The following PNPLA8 variants were observed in gnomAD, a reference collection of about 807,000 sequenced individuals.
PNPLA8 encodes calcium-independent phospholipase A2-gamma.
PNPLA8 carries 39 observed loss-of-function variants against 76.9 expected under a neutral mutation model. The ratio of observed to expected loss-of-function variants is 0.51; its 90% CI spans 0.39 to 0.66. The LOEUF (loss-of-function observed/expected upper bound fraction) is 0.66. Among genes scored for constraint, PNPLA8 ranks in the 30% least tolerant of loss-of-function variants. The probability of loss-of-function intolerance (pLI) is 0.00; values close to 1 mark genes in which losing one functional copy is unlikely to be tolerated. For synonymous variants in PNPLA8, 301 were observed against 307.9 expected (o/e 0.98, Z 0.24); for missense variants, 887 against 918.0 (o/e 0.97, Z 0.44).
rs139990982 is a variant in PNPLA8, at chr7:108,491,076, G to A, written c.1683+334C>T. 9.8e-4 allele frequency among the ~76,000 whole-genome samples: 149 copies of A among 152,134 alleles called. 1 individual carries two copies. The highest frequency in any genetic ancestry group is 3.3e-3 in the African/African-American group (138 of 41,526). ...TCCCAGCACTTTGGGAGGCCAAGGC[G>A]GGCAGATCACCTGAGTTTGGGAGTT... On this transcript the variant is annotated intron_variant, in intron 8 of 10. Transcript: ENST00000257694.
At chr7:108,496,411 T>C (rs758612557) in intron 7 of PNPLA8, 173 bp downstream of exon 7, 47 of 461,320 alleles carry the variant, frequency 1.0e-4, no homozygotes, top group Non-Finnish European at 1.6e-4. Flanking sequence ...TAAACTATGA[T>C]TCACCAAAAT....
chr7:108,484,564 C>T (rs564791627), intron 9 of PNPLA8, among the ~76,000 whole-genome samples: 122 of 152,146 alleles, frequency 8.0e-4, no homozygotes, highest in East Asian at 1.9e-3. Context: ...CACCCACACT[C>T]TGTAACCATT....
chr7:108,503,508 G>T (rs1862114802), intron 4 of PNPLA8, among the ~76,000 whole-genome samples: 1 of 152,088 alleles, frequency 6.6e-6, no homozygotes, highest in Non-Finnish European at 1.5e-5. Context: ...AGGAACTTGA[G>T]CAATGGTGGA....
chr7:108,475,737 T>C (rs1194656863), intron 10 of PNPLA8, among the ~76,000 whole-genome samples: 1 of 152,174 alleles, frequency 6.6e-6, no homozygotes, highest in Non-Finnish European at 1.5e-5. Context: ...GAATAGAAAC[T>C]ATGCTATAGT....
chr7:108,504,290 C>T (rs763134542), intron 4 of PNPLA8, among the ~76,000 whole-genome samples: 3 of 151,900 alleles, frequency 2.0e-5, no homozygotes, highest in South Asian at 2.1e-4. Context: ...AATCCAGTAC[C>T]GAATTACAAA....
chr7:108,523,004 A>C (rs957174575), intron 1 of PNPLA8, among the ~76,000 whole-genome samples: 13 of 152,230 alleles, frequency 8.5e-5, no homozygotes, highest in African/African-American at 3.1e-4. Context: ...TTGAGAGTAC[A>C]TTCAGCCAGA....
intron 10 of PNPLA8, 102 bp downstream of exon 10, chr7:108,479,082 C>G: frequency 2.8e-6 from 2 of 721,234 alleles, no homozygotes; most frequent in South Asian, 3.6e-5. Context: ...ATCCACAATA[C>G]AGACATATCA....
intron 1 of PNPLA8, among the ~76,000 whole-genome samples, chr7:108,524,740 A>C (rs1021639080): frequency 6.6e-6 from 1 of 152,174 alleles, no homozygotes; most frequent in Non-Finnish European, 1.5e-5. Context: ...GAATCGTTTG[A>C]ACCTTGCAGT....
In PNPLA8 at chr7:108,490,651, G is replaced by A. The variant is rs539499469; in HGVS notation, c.1683+759C>T. ...TACAAAAAATTAGCCGGGCGTGGTG[G>A]CGGCTGCCTATAGTCCCAGCTACTT... is the stretch of plus-strand genomic sequence containing the variant. On this transcript the variant is annotated intron_variant, in intron 8 of 10. Transcript: ENST00000257694. Among the ~76,000 whole-genome samples the A allele has an allele frequency of 2.0e-5, 3 of 152,198 alleles. No homozygotes were observed. In the South Asian group the frequency reaches 6.2e-4, roughly 32 times the overall value.
chr7:108,505,303 T>C (rs1185224212), intron 4 of PNPLA8, among the ~76,000 whole-genome samples: 1 of 3,042 alleles, frequency 3.3e-4, no homozygotes, highest in African/African-American at 1.4e-3. Flanking sequence ...AGAAAATTTA[T>C]ATATATATAT....
intron 8 of PNPLA8, among the ~76,000 whole-genome samples, chr7:108,489,759 T>C (rs1861006939): frequency 6.6e-6 from 1 of 152,210 alleles, no homozygotes; most frequent in Non-Finnish European, 1.5e-5. Flanking sequence ...TGATTTTTCA[T>C]GGTTACAGTT....
At chr7:108,515,643 G>C in intron 2 of PNPLA8, 69 bp from the exon 3 acceptor site, 1 of 828,364 alleles carries the variant, frequency 1.2e-6, no homozygotes, top group Non-Finnish European at 1.6e-6. Flanking sequence ...GAAAACACAA[G>C]ACTATTTGGA....
intron 1 of PNPLA8, among the ~76,000 whole-genome samples, chr7:108,525,798 C>G (rs1414797721): frequency 6.6e-6 from 1 of 152,182 alleles, no homozygotes; most frequent in Non-Finnish European, 1.5e-5. Context: ...ACGGTTTGCG[C>G]TTCTGGGGCA....
intron 4 of PNPLA8, among the ~76,000 whole-genome samples, chr7:108,503,973 C>G (rs1365659515): frequency 2.6e-5 from 4 of 152,132 alleles, no homozygotes; most frequent in Admixed American, 2.0e-4. Flanking sequence ...AGCCGAAGAC[C>G]TCTGAAAATC....
At chr7:108,527,634 G>T (rs1426679356), upstream of PNPLA8, 5 of 152,210 alleles carry the variant, frequency 3.3e-5, no homozygotes, top group Non-Finnish European at 7.3e-5. Context: ...TAACCAGCAA[G>T]CAGACTGAGG....
intron 4 of PNPLA8, among the ~76,000 whole-genome samples, chr7:108,513,479 T>C (rs571172278): frequency 5.1e-4 from 78 of 152,202 alleles, no homozygotes; most frequent in African/African-American, 1.6e-3. Context: ...TAAGCACTAA[T>C]AGATTTCTAA....
intron 9 of PNPLA8, among the ~76,000 whole-genome samples, chr7:108,485,729 T>G (rs914264986): frequency 6.6e-6 from 1 of 152,110 alleles, no homozygotes; most frequent in African/African-American, 2.4e-5. Flanking sequence ...GAGTTGTCAT[T>G]TGAAGTGAAA....
intron 1 of PNPLA8, among the ~76,000 whole-genome samples, chr7:108,524,933 A>G (rs1863979271): frequency 6.6e-6 from 1 of 152,214 alleles, no homozygotes; most frequent in African/African-American, 2.4e-5. Context: ...ACTGGGGTAA[A>G]AAAAAACAAC....
At chr7:108,507,363 A>C (rs957413769) in intron 4 of PNPLA8, among the ~76,000 whole-genome samples, 1 of 150,784 alleles carries the variant, frequency 6.6e-6, no homozygotes, top group African/African-American at 2.4e-5. Context: ...AAAAAAAAAA[A>C]AAAGAAACAG....
Sources: allele counts gnomAD v4.1 joint callset (sites outside exome capture counted in the v4.1 genomes callset), GRCh38; gene constraint gnomAD v4.1.1; transcripts MANE v1.5; gene names NCBI Gene and HGNC (gene_info 2026-07-23, HGNC 2026-07-21).